PFKL: variants seen among roughly 807,000 people sequenced by gnomAD.
PFKL encodes the protein ATP-dependent 6-phosphofructokinase, liver type.
In PFKL, 74 loss-of-function variants were observed where a neutral mutation model predicts 92.1. The observed-to-expected ratio is 0.80, with a 90% CI of 0.67 to 0.97. PFKL has a LOEUF of 0.97. Among genes scored for constraint, PFKL ranks in the 50% least tolerant of loss-of-function variants. The probability of loss-of-function intolerance (pLI) is 0.00; values close to 1 mark genes in which losing one functional copy is unlikely to be tolerated. For synonymous variants in PFKL, 494 were observed against 456.4 expected (o/e 1.08, Z -1.05); for missense variants, 1,028 against 1,116.6 (o/e 0.92, Z 1.13).
intron 1 of PFKL, among the ~76,000 whole-genome samples, chr21:44,302,863 G>A (rs778343090): frequency 6.6e-6 from 1 of 152,206 alleles, no homozygotes; most frequent in South Asian, 2.1e-4. Context: ...TTGGCCAGGG[G>A]TTGGTGCTGT....
intron 17 of PFKL, 55 bp downstream of exon 17, chr21:44,324,710 C>T (rs747890297): frequency 2.9e-5 from 46 of 1,560,778 alleles, no homozygotes; most frequent in Admixed American, 1.9e-4. Flanking sequence ...CAGCCTGGGC[C>T]CCAGACACTC....
Position 44,300,099 on chromosome 21 carries a change from C to T in PFKL, c.-7C>T. ...GTGCGAGCTGGGCCCGTGTTTCGGC[C>T]GCCGCCATGGCCGCGGTGGACCTGG... On this transcript the variant is annotated 5_prime_UTR_variant, in exon 1 of 22. Transcript: ENST00000349048. The T allele has an allele frequency of 8.8e-7, 1 of 1,139,996 alleles. No individual in the cohort carries two copies. The highest frequency in any genetic ancestry group is 1.1e-6 in the Non-Finnish European group (1 of 917,552). The allele number at this position is 1,139,996 out of a possible 1,614,324, so 70.6% of individuals were successfully genotyped here.
At chr21:44,306,050 T>C in intron 1 of PFKL, 1 of 550,126 alleles carries the variant, frequency 1.8e-6, no homozygotes, top group Admixed American at 6.5e-5. Context: ...CCAAGCCCCT[T>C]CCAGCAGGTG....
intron 1 of PFKL, chr21:44,306,039 CCCAA>C: frequency 2.0e-6 from 2 of 1,019,780 alleles, no homozygotes; most frequent in Non-Finnish European, 2.6e-6. Context: ...GAGGAAGGAG[CCCAA>C]GCCCCTTCCA....
At chr21:44,306,642 C>A in intron 1 of PFKL, 39 bp from the exon 2 acceptor site, 2 of 1,588,182 alleles carry the variant, frequency 1.3e-6, no homozygotes, top group Non-Finnish European at 1.7e-6. Context: ...GGCCTTGCTT[C>A]TCAGCGTGGG....
rs575540845 is a variant in PFKL at position 44,311,002 on chromosome 21, T to G, written c.160-4T>G. The stretch of plus-strand genomic sequence containing the variant: ...TCTCATGCCTGCCCCACTCTTGATT[T>G]CAGGGCTATGAGGGCCTCGTGGAGG... On this transcript the variant is annotated splice_region_variant and splice_polypyrimidine_tract_variant and intron_variant, in intron 2 of 21. Coordinates refer to ENST00000349048, the MANE Select transcript of PFKL (RefSeq NM_002626.6). The G allele has an allele frequency of 6.2e-7, 1 of 1,611,750 alleles. No individual in the cohort carries two copies. The highest frequency in any genetic ancestry group is 1.1e-5 in the South Asian group (1 of 90,860).
intron 12 of PFKL, 49 bp from the exon 13 acceptor site, chr21:44,321,680 G>T (rs1424922217): frequency 1.4e-6 from 2 of 1,472,234 alleles, no homozygotes; most frequent in Non-Finnish European, 1.8e-6. Flanking sequence ...GCAGGTTGGG[G>T]GTCCCCTCCC....
At chr21:44,316,215 A>G (rs758280852) in intron 7 of PFKL, 29 bp from the exon 8 acceptor site, 1 of 1,606,942 alleles carries the variant, frequency 6.2e-7, no homozygotes, top group Non-Finnish European at 8.5e-7. Context: ...CCTGCCTGGC[A>G]GCTGAGCCCT....
chr21:44,311,294 G>A (rs1181593626), intron 3 of PFKL, among the ~76,000 whole-genome samples: 7 of 143,972 alleles, frequency 4.9e-5, no homozygotes, highest in African/African-American at 8.0e-5. Context: ...ACACACAGGC[G>A]CGCACAGACA....
chr21:44,319,304 T>C, intron 10 of PFKL, 47 bp from the exon 11 acceptor site: 2 of 1,523,104 alleles, frequency 1.3e-6, no homozygotes, highest in Non-Finnish European at 1.8e-6. Context: ...GCCATGGGTG[T>C]GCGGGCCAGG....
Position 44,313,955 on chromosome 21 carries a change from G to A in PFKL, c.681G>A (p.Trp227Ter). 6.2e-7 allele frequency: 1 copy of A among 1,607,798 alleles called. No individual in the cohort carries two copies. Among genetic ancestry groups the A allele is most frequent in the Non-Finnish European group, 8.5e-7 (1 of 1,178,394 alleles). The part of the protein sequence containing the change: ...LVSALASGAD[W>*]LFIPEAPPED... ...CTGCACTGGCCTCAGGGGCCGACTGGCTGTTCATCCCCGAGGCTCCACCCG... is the reference window on the plus strand; with the variant it reads ...CTGCACTGGCCTCAGGGGCCGACTGACTGTTCATCCCCGAGGCTCCACCCG... Residue 227 changes from tryptophan (W) to a stop codon, truncating the protein, a stop_gained, in exon 7 of 22, where the codon TGG becomes TGA. Transcript: ENST00000349048. LOFTEE classifies it high-confidence loss of function.
Position 44,316,355 on chromosome 21 carries a change from G to A in PFKL, c.843+16G>A. On this transcript the variant is annotated intron_variant, in intron 8 of 21. Coordinates refer to ENST00000349048, the MANE Select transcript of PFKL (RefSeq NM_002626.6). ...CGTGAAGGACGTGCGTGTGGGCCTG[G>A]GGGTGGCCACTGGGCACCTGCTCCT... 6.2e-7 allele frequency: 1 copy of A among 1,612,672 alleles called. No homozygotes were observed.
Position 44,306,787 on chromosome 21 carries a change from A to AG in PFKL, c.159+34dup, listed in dbSNP as rs1252667017. On this transcript the variant is annotated intron_variant, in intron 2 of 21. Coordinates refer to ENST00000349048, the MANE Select transcript of PFKL (RefSeq NM_002626.6). The stretch of plus-strand genomic sequence containing the variant: ...CAAGGTGGGCTGTGTGTGTGCAGGG[A>AG]GTGGGGACCTCCTGAGGCGCATGCC... 2.5e-6 allele frequency: 4 copies of AG among 1,583,830 alleles called. No homozygotes were observed. In the South Asian group the frequency reaches 4.4e-5, roughly 18 times the overall value.
rs988925436 is a variant in PFKL at position 44,307,419 on chromosome 21, C to G, written c.159+665C>G. 3 of 518,812 alleles carry G rather than the reference C, an allele frequency of 5.8e-6. No homozygotes were observed. The South Asian group carries it at 2.5e-4, about 43-fold the overall frequency. The allele number at this position is 518,812 out of a possible 1,614,324, so 32.1% of individuals were successfully genotyped here. ...ACACCACGCACTCACAGGCTGCATT[C>G]TTGCCTTGTCAGGTGGTTTTCCACA... On this transcript the variant is annotated intron_variant, in intron 2 of 21. Transcript: ENST00000349048.
At position 44,313,027 on chromosome 21, in the gene PFKL, G is replaced by A. The variant is rs767175809; in HGVS notation, c.477G>A (p.Ala159=). ...TARTYSHLNI[A]GLVGSIDNDF... ...GGACCTACTCGCACCTGAACATCGC[G>A]GGCCTAGTGGGCTCCATCGATAACG... is the stretch of plus-strand genomic sequence containing the variant. The change falls in exon 5 of 22, where the codon GCG becomes GCA. Residue 159 remains alanine, a synonymous_variant. Transcript: ENST00000349048. 18 of 1,612,970 alleles carry A rather than the reference G, an allele frequency of 1.1e-5. No individual in the cohort carries two copies. In the East Asian group the frequency reaches 1.3e-4, roughly 12 times the overall value.
chr21:44,325,296 T>C, intron 19 of PFKL, 32 bp downstream of exon 19: 2 of 1,387,926 alleles, frequency 1.4e-6, no homozygotes, highest in Non-Finnish European at 2.0e-6. Flanking sequence ...CTGAGAGGCC[T>C]GCCCCTCTTT....
chr21:44,318,031 T>G (rs1602035916), intron 9 of PFKL, among the ~76,000 whole-genome samples: 1 of 152,192 alleles, frequency 6.6e-6, no homozygotes, highest in Non-Finnish European at 1.5e-5. Flanking sequence ...AGTGTGTCCC[T>G]GGGGGGCAGC....
In PFKL at chr21:44,321,811, G is replaced by T. The variant is rs200562964; in HGVS notation, c.1274G>T (p.Gly425Val). The T allele has an allele frequency of 1.2e-6, 2 of 1,602,042 alleles. No homozygotes were observed. The highest frequency in any genetic ancestry group is 1.3e-5 in the African/African-American group (1 of 74,548). Residue 425 changes from glycine to valine, a missense_variant, in exon 13 of 22, where the codon GGC becomes GTC. Physicochemically the swap from Gly to Val is moderately radical, Grantham distance 109. Coordinates refer to ENST00000349048, the MANE Select transcript of PFKL (RefSeq NM_002626.6). The stretch of plus-strand genomic sequence containing the variant: ...GCCGTGCGCTCGGCGGTGCGGACCG[G>T]CATCTCCCATGGACACACAGTATAC... Reference protein sequence around the residue: ...NAAVRSAVRTGISHGHTVYVV... With the variant: ...NAAVRSAVRTVISHGHTVYVV...
intron 19 of PFKL, chr21:44,325,604 C>G: frequency 4.1e-6 from 2 of 488,714 alleles, no homozygotes; most frequent in South Asian, 4.9e-5. Flanking sequence ...GCAGGAAGCC[C>G]GCGTCCTGGG....
Sources: allele counts gnomAD v4.1 joint callset (sites outside exome capture counted in the v4.1 genomes callset), GRCh38; gene constraint gnomAD v4.1.1; transcripts MANE v1.5; gene names NCBI Gene and HGNC (gene_info 2026-07-23, HGNC 2026-07-21).